The following AGAP1 variants were observed in gnomAD, a reference collection of about 807,000 sequenced individuals.
AGAP1 encodes ArfGAP with GTPase domain, ankyrin repeat and PH domain 1, also known as arf-GAP with GTPase, ANK repeat and PH domain-containing protein 1.
A neutral mutation model predicts 105.3 loss-of-function variants in AGAP1; 29 were observed. The ratio of observed to expected loss-of-function variants is 0.28; its 90% CI spans 0.21 to 0.38. The LOEUF (loss-of-function observed/expected upper bound fraction) is 0.38. Among genes scored for constraint, AGAP1 ranks in the 10% least tolerant of loss-of-function variants. The pLI, the probability that AGAP1 is intolerant of heterozygous loss-of-function variation, is 1.00. For missense variants in AGAP1, 998 were observed against 1,165.1 expected (o/e 0.86, Z 2.09); for synonymous variants, 509 against 485.9 (o/e 1.05, Z -0.63).
rs1182518020 is a variant in AGAP1 at position 236,104,885 on chromosome 2, G to T, written c.2115-15307G>T. On this transcript the variant is annotated intron_variant, in intron 16 of 17. Coordinates refer to ENST00000304032, the MANE Select transcript of AGAP1 (RefSeq NM_001037131.3). The surrounding 1 kb of genome is among the most constrained non-coding windows in gnomAD (Gnocchi z 4.7). The stretch of plus-strand genomic sequence containing the variant: ...ACTGCACTGCAGCCTGGGCTACAGA[G>T]CGAGACTCTGTCTCAAGGAAAAAAA... Among the ~76,000 whole-genome samples the T allele has an allele frequency of 1.3e-5, 2 of 151,986 alleles. No individual in the cohort carries two copies. Among genetic ancestry groups the T allele is most frequent in the Admixed American group, 6.6e-5 (1 of 15,254 alleles).
intron 16 of AGAP1, among the ~76,000 whole-genome samples, chr2:236,088,779 C>G (rs1216314933): frequency 6.6e-6 from 1 of 152,102 alleles, no homozygotes; most frequent in Non-Finnish European, 1.5e-5. Context: ...TAGCCCTGTC[C>G]CCATTGTCAC....
intron 1 of AGAP1, among the ~76,000 whole-genome samples, chr2:235,606,626 G>C (rs1004557206): frequency 1.3e-5 from 2 of 152,154 alleles, no homozygotes; most frequent in Non-Finnish European, 2.9e-5. Flanking sequence ...AAGGAACACT[G>C]CTTACCTTAA....
In AGAP1 at chr2:235,735,428, T is replaced by C. The variant is rs561185158; in HGVS notation, c.311-5535T>C. Reference sequence around the variant, plus strand: ...TGCACTTGTGTTCAAGAGGCTCCGCTGTAGCTCAACCTCGCGTGAGTGCAG... The same window carrying C: ...TGCACTTGTGTTCAAGAGGCTCCGCCGTAGCTCAACCTCGCGTGAGTGCAG... On this transcript the variant is annotated intron_variant, in intron 3 of 17. Transcript: ENST00000304032. 7.3e-4 allele frequency among the ~76,000 whole-genome samples: 111 copies of C among 152,304 alleles called. 1 individual carries two copies. Among genetic ancestry groups the C allele is most frequent in the South Asian group, 1.5e-3 (7 of 4,818 alleles).
intron 1 of AGAP1, among the ~76,000 whole-genome samples, chr2:235,547,352 T>C (rs908847847): frequency 7.3e-5 from 11 of 150,936 alleles, no homozygotes; most frequent in African/African-American, 9.8e-5. Context: ...GCTGCTTACA[T>C]TGACTTTTTT....
intron 3 of AGAP1, among the ~76,000 whole-genome samples, chr2:235,722,040 A>G (rs188062946): frequency 6.6e-6 from 1 of 152,336 alleles, no homozygotes; most frequent in East Asian, 1.9e-4. Flanking sequence ...CTGTTTTTCA[A>G]TTAGTGAATT....
chr2:235,563,538 C>T (rs1944237081), intron 1 of AGAP1, among the ~76,000 whole-genome samples: 1 of 141,358 alleles, frequency 7.1e-6, no homozygotes, highest in Non-Finnish European at 1.5e-5. Flanking sequence ...TTTTTACAGT[C>T]AGACAGGAAG....
chr2:235,848,119 A>G (rs1012094133), intron 9 of AGAP1, among the ~76,000 whole-genome samples: 7 of 152,312 alleles, frequency 4.6e-5, no homozygotes, highest in African/African-American at 1.7e-4. Flanking sequence ...GTCACTCGCC[A>G]TCATCCTGAG....
intron 11 of AGAP1, among the ~76,000 whole-genome samples, chr2:235,922,422 C>G (rs2052228337): frequency 6.6e-6 from 1 of 152,188 alleles, no homozygotes; most frequent in Non-Finnish European, 1.5e-5. Flanking sequence ...AGAGTTGCTC[C>G]TCTTTTCAGG....
At chr2:235,672,307 C>T (rs1948479546) in intron 1 of AGAP1, among the ~76,000 whole-genome samples, 2 of 152,194 alleles carry the variant, frequency 1.3e-5, no homozygotes, top group African/African-American at 4.8e-5. Context: ...TGGTCATGTT[C>T]TAATATGCTC....
rs754090960 is a variant in AGAP1 at position 235,740,861 on chromosome 2, C to T, written c.311-102C>T. The T allele has an allele frequency of 1.3e-4, 176 of 1,384,354 alleles. No homozygotes were observed. Among genetic ancestry groups the T allele is most frequent in the African/African-American group, 2.4e-4 (17 of 70,512 alleles). 85.8% of individuals were successfully genotyped at this position (1,384,354 alleles called of 1,614,324 possible). On this transcript the variant is annotated intron_variant, in intron 3 of 17. Transcript: ENST00000304032. The surrounding 1 kb of genome is among the most constrained non-coding windows in gnomAD (Gnocchi z 5.7). ...CCTAAATACTCAGTTGCCTCCAGGG[C>T]GACAGCCTAGGGTGTATTTTTCCAC...
intron 16 of AGAP1, among the ~76,000 whole-genome samples, chr2:236,094,420 C>T (rs947975251): frequency 8.6e-5 from 13 of 150,828 alleles, no homozygotes; most frequent in African/African-American, 3.2e-4. Flanking sequence ...GGCTCAATCA[C>T]GGCCCACTGC....
chr2:235,780,561 T>G (rs1048643143), intron 6 of AGAP1, among the ~76,000 whole-genome samples: 3 of 152,172 alleles, frequency 2.0e-5, no homozygotes, highest in Admixed American at 6.5e-5. Flanking sequence ...GCCAAGTAAT[T>G]TACAGTGCTG....
At chr2:235,876,994 T>C (rs1319032589) in intron 9 of AGAP1, among the ~76,000 whole-genome samples, 1 of 152,020 alleles carries the variant, frequency 6.6e-6, no homozygotes, top group Admixed American at 6.5e-5. Context: ...ATTACAGGCA[T>C]GCACCACCAT....
rs2125953219 is a variant in AGAP1 at position 236,114,989 on chromosome 2, C to G, written c.2115-5203C>G. Among the ~76,000 whole-genome samples the G allele has an allele frequency of 6.6e-6, 1 of 152,288 alleles. No homozygotes were observed. The highest frequency in any genetic ancestry group is 6.5e-5 in the Admixed American group (1 of 15,290). On this transcript the variant is annotated intron_variant, in intron 16 of 17. Transcript: ENST00000304032. This position sits in a 1 kb window ranked among gnomAD's most constrained non-coding sequence, Gnocchi z 5.0. Reference sequence around the variant, plus strand: ...CACCCTCGGGGGAGCTCACAAGATGCCAGCAGGCTTGGCAAGACCTCTGGC... The same window carrying G: ...CACCCTCGGGGGAGCTCACAAGATGGCAGCAGGCTTGGCAAGACCTCTGGC...
intron 3 of AGAP1, among the ~76,000 whole-genome samples, chr2:235,730,272 G>A (rs748656612): frequency 5.9e-5 from 9 of 151,974 alleles, no homozygotes; most frequent in African/African-American, 1.5e-4. Flanking sequence ...TGCCCGTGTC[G>A]GCAGCCGAGT....
At position 236,000,454 on chromosome 2, in the gene AGAP1, A is replaced by T. The variant is rs572166146; in HGVS notation, c.1645+31831A>T. Among the ~76,000 whole-genome samples the T allele has an allele frequency of 1.3e-5, 2 of 152,298 alleles. No individual in the cohort carries two copies. The highest frequency in any genetic ancestry group is 4.8e-5 in the African/African-American group (2 of 41,574). On this transcript the variant is annotated intron_variant, in intron 13 of 17. Coordinates refer to ENST00000304032, the MANE Select transcript of AGAP1 (RefSeq NM_001037131.3). This position sits in a 1 kb window ranked among gnomAD's most constrained non-coding sequence, Gnocchi z 4.3. Reference sequence around the variant, plus strand: ...GCTCAAATAATAAACAGTTGTTCAGAGACAGTGGTACTGCGTCCCCCTCCT... The same window carrying T: ...GCTCAAATAATAAACAGTTGTTCAGTGACAGTGGTACTGCGTCCCCCTCCT...
At position 235,614,071 on chromosome 2, in the gene AGAP1, C is replaced by T. The variant is rs922771953; in HGVS notation, c.164-95108C>T. Among the ~76,000 whole-genome samples the T allele has an allele frequency of 2.6e-5, 4 of 151,906 alleles. No individual in the cohort carries two copies. Among genetic ancestry groups the T allele is most frequent in the Admixed American group, 6.6e-5 (1 of 15,238 alleles). The stretch of plus-strand genomic sequence containing the variant: ...TACTCAAAAGCACTAAGTTTTCTTG[C>T]GTGGTATCTGTTCATATATTGATTC... On this transcript the variant is annotated intron_variant, in intron 1 of 17. Coordinates refer to ENST00000304032, the MANE Select transcript of AGAP1 (RefSeq NM_001037131.3). The surrounding 1 kb of genome is among the most constrained non-coding windows in gnomAD (Gnocchi z 4.7).
rs184922822 is a variant in AGAP1 at position 235,723,250 on chromosome 2, G to C, written c.310+5606G>C. Among the ~76,000 whole-genome samples the C allele has an allele frequency of 1.2e-4, 18 of 152,244 alleles. No homozygotes were observed. Among genetic ancestry groups the C allele is most frequent in the Non-Finnish European group, 2.2e-4 (15 of 68,008 alleles). Reference sequence around the variant, plus strand: ...CTATTAATGGCTGCTGATTAGAATCGTGTGACATTTTGGGTGTGTAATGTG... The same window carrying C: ...CTATTAATGGCTGCTGATTAGAATCCTGTGACATTTTGGGTGTGTAATGTG... On this transcript the variant is annotated intron_variant, in intron 3 of 17. Transcript: ENST00000304032. The surrounding 1 kb of genome is among the most constrained non-coding windows in gnomAD (Gnocchi z 6.2).
chr2:235,555,212 T>A lies in AGAP1; in HGVS notation c.163+60363T>A, dbSNP rs1477746408. Among the ~76,000 whole-genome samples, 2 of 152,176 alleles carry A rather than the reference T, an allele frequency of 1.3e-5. No homozygotes were observed. The highest frequency in any genetic ancestry group is 4.8e-5 in the African/African-American group (2 of 41,452). On this transcript the variant is annotated intron_variant, in intron 1 of 17. Coordinates refer to ENST00000304032, the MANE Select transcript of AGAP1 (RefSeq NM_001037131.3). This position sits in a 1 kb window ranked among gnomAD's most constrained non-coding sequence, Gnocchi z 5.1. ...AAAGGAGCCAGAGGCTTGCCCGCCC[T>A]GCAGTGCCATCCTTCTTGCCGCTCC... is the stretch of plus-strand genomic sequence containing the variant.
Sources: gnomAD v4.1 joint callset for allele counts (sites outside exome capture counted in the v4.1 genomes callset) on GRCh38, gnomAD v4.1.1 for gene constraint, Gnocchi (gnomAD v3.1) non-coding constraint, MANE v1.5 for transcripts, NCBI Gene and HGNC (gene_info 2026-07-23, HGNC 2026-07-21) for gene names.